Variants in EXOC4 observed in about 807,000 individuals in gnomAD.
EXOC4 encodes the protein SEC8-like 1.
In EXOC4, 71 loss-of-function variants were observed where a neutral mutation model predicts 107.2. The ratio of observed to expected loss-of-function variants is 0.66; its 90% CI spans 0.55 to 0.81. EXOC4 has a LOEUF of 0.81. Among genes scored for constraint, EXOC4 ranks in the 30% least tolerant of loss-of-function variants. The probability of loss-of-function intolerance (pLI) is 0.00; values close to 1 mark genes in which losing one functional copy is unlikely to be tolerated. For missense variants in EXOC4, 1,108 were observed against 1,189.6 expected, an observed-to-expected ratio of 0.93 and a Z score of 1.01; for synonymous variants, 456 against 441.2, an observed-to-expected ratio of 1.03 and a Z score of -0.42.
At chr7:133,775,740 T>C (rs1796332285) in intron 10 of EXOC4, among the ~76,000 whole-genome samples, 1 of 152,194 alleles carries the variant, frequency 6.6e-6, no homozygotes, top group South Asian at 2.1e-4. Context: ...TCATTCACTT[T>C]TCTATTGCAC....
At chr7:133,636,576 G>T (rs1251457878) in intron 10 of EXOC4, among the ~76,000 whole-genome samples, 1 of 152,212 alleles carries the variant, frequency 6.6e-6, no homozygotes, top group Non-Finnish European at 1.5e-5. Context: ...ACAGTTGTTT[G>T]CAGTCTTGTA....
chr7:133,912,398 A>C (rs958405), intron 12 of EXOC4, among the ~76,000 whole-genome samples: 53 of 152,058 alleles, frequency 3.5e-4, no homozygotes, highest in Middle Eastern at 3.4e-3. Context: ...ACTATTTTAC[A>C]TTGGGGTTTT....
chr7:133,339,468 A>G (rs773414529), intron 5 of EXOC4, among the ~76,000 whole-genome samples: 2 of 152,010 alleles, frequency 1.3e-5, no homozygotes, highest in Non-Finnish European at 2.9e-5. Flanking sequence ...TTCTTTTTGT[A>G]TAGTATTGCT....
chr7:133,489,613 T>A (rs1799333765), intron 9 of EXOC4, among the ~76,000 whole-genome samples: 1 of 152,212 alleles, frequency 6.6e-6, no homozygotes, highest in Non-Finnish European at 1.5e-5. Flanking sequence ...GTCAGACACC[T>A]AACATTAATT....
At chr7:133,727,027 A>C (rs1795228555) in intron 10 of EXOC4, among the ~76,000 whole-genome samples, 1 of 152,238 alleles carries the variant, frequency 6.6e-6, no homozygotes, top group African/African-American at 2.4e-5. Context: ...GAATTAGTTG[A>C]GATAGTTCCA....
intron 10 of EXOC4, among the ~76,000 whole-genome samples, chr7:133,764,083 G>A (rs1429628035): frequency 6.6e-6 from 1 of 151,994 alleles, no homozygotes; most frequent in South Asian, 2.1e-4. Context: ...TCCCTTATAG[G>A]TTAGTTGTGA....
At chr7:133,473,725 G>T (rs2150846134) in intron 7 of EXOC4, among the ~76,000 whole-genome samples, 1 of 151,002 alleles carries the variant, frequency 6.6e-6, no homozygotes, top group East Asian at 2.0e-4. Context: ...TTTTAAAACG[G>T]AGCCTCACTC....
intron 17 of EXOC4, among the ~76,000 whole-genome samples, chr7:134,035,046 CTTTT>C (rs146401762): frequency 7.8e-6 from 1 of 128,838 alleles, no homozygotes; most frequent in African/African-American, 2.9e-5. Context: ...CTTTTCTTTA[CTTTT>C]TTTTTTTTTT....
intron 10 of EXOC4, among the ~76,000 whole-genome samples, chr7:133,646,573 T>G (rs1003772167): frequency 6.6e-6 from 1 of 152,212 alleles, no homozygotes; most frequent in East Asian, 1.9e-4. Context: ...AACCCACTTC[T>G]GGGAATTATC....
chr7:133,484,565 C>G (rs966178290), intron 9 of EXOC4, among the ~76,000 whole-genome samples: 2 of 152,040 alleles, frequency 1.3e-5, no homozygotes, highest in Non-Finnish European at 1.5e-5. Context: ...AAAAAACAAT[C>G]TAAAGACTAC....
chr7:133,637,576 A>G lies in EXOC4; in HGVS notation c.1514+7435A>G, dbSNP rs144669106. 4.0e-5 allele frequency among the ~76,000 whole-genome samples: 6 copies of G among 149,198 alleles called. No homozygotes were observed. The East Asian group carries it at 8.2e-4, about 21-fold the overall frequency. ...ATATTATTCATGCATGGGAGGAAAT[A>G]TAGACACCTTGTTGCATTTTTATGA... is the stretch of plus-strand genomic sequence containing the variant. On this transcript the variant is annotated intron_variant, in intron 10 of 17. Transcript: ENST00000253861.
At chr7:133,710,517 G>A (rs1195727952) in intron 10 of EXOC4, among the ~76,000 whole-genome samples, 4 of 151,406 alleles carry the variant, frequency 2.6e-5, no homozygotes, top group African/African-American at 4.9e-5. Flanking sequence ...AAAATTAGCC[G>A]GGCGTAGTGG....
intron 7 of EXOC4, among the ~76,000 whole-genome samples, chr7:133,401,692 A>G (rs996009571): frequency 2.0e-5 from 3 of 151,716 alleles, no homozygotes; most frequent in Admixed American, 1.3e-4. Flanking sequence ...ATCACTCTGA[A>G]TCTTTTCATT....
chr7:133,754,789 G>C (rs1795864504), intron 10 of EXOC4, among the ~76,000 whole-genome samples: 2 of 152,026 alleles, frequency 1.3e-5, no homozygotes, highest in Non-Finnish European at 2.9e-5. Flanking sequence ...AATTTAGAAG[G>C]GCTAAGAAGT....
intron 7 of EXOC4, among the ~76,000 whole-genome samples, chr7:133,410,490 A>T (rs1334898044): frequency 6.6e-6 from 1 of 152,086 alleles, no homozygotes; most frequent in Non-Finnish European, 1.5e-5. Flanking sequence ...TTTACAACAC[A>T]ATCATTTAAT....
intron 10 of EXOC4, among the ~76,000 whole-genome samples, chr7:133,769,048 C>T (rs551348823): frequency 2.0e-5 from 3 of 152,018 alleles, no homozygotes; most frequent in South Asian, 4.1e-4. Flanking sequence ...ATACTTGGGC[C>T]GGTTAACTTC....
In EXOC4 at chr7:133,670,499, C is replaced by T. The variant is rs571806337; in HGVS notation, c.1514+40358C>T. On this transcript the variant is annotated intron_variant, in intron 10 of 17. Transcript: ENST00000253861. ...GCAGCAGTACAGTCTGGCTAGAGGGCGTCTGTTGAGCCTCCAAACATTGAA... is the reference window on the plus strand; with the variant it reads ...GCAGCAGTACAGTCTGGCTAGAGGGTGTCTGTTGAGCCTCCAAACATTGAA... 5.3e-5 allele frequency among the ~76,000 whole-genome samples: 8 copies of T among 152,260 alleles called. No individual in the cohort carries two copies. The South Asian group carries it at 6.2e-4, about 12-fold the overall frequency.
At chr7:133,789,522 A>G (rs75918422) in intron 10 of EXOC4, among the ~76,000 whole-genome samples, 216 of 152,336 alleles carry the variant, frequency 1.4e-3, no homozygotes, top group Non-Finnish European at 2.7e-3. Context: ...TAAAAGCAGT[A>G]TGATGTATTG....
rs111241160 is a variant in EXOC4 at position 134,002,272 on chromosome 7, C to A, written c.2349-2640C>A. Among the ~76,000 whole-genome samples the A allele has an allele frequency of 7.9e-5, 12 of 152,254 alleles. No homozygotes were observed. In the East Asian group the frequency reaches 1.9e-3, roughly 25 times the overall value. ...GAGCAGTAGTCAAGATACTTGGATT[C>A]TCTTGGATGAACTGCTTATAAGAAT... On this transcript the variant is annotated intron_variant, in intron 15 of 17. Transcript: ENST00000253861.
Sources: gnomAD v4.1 joint callset for allele counts (sites outside exome capture counted in the v4.1 genomes callset) on GRCh38, gnomAD v4.1.1 for gene constraint, MANE v1.5 for transcripts, NCBI Gene and HGNC (gene_info 2026-07-23, HGNC 2026-07-21) for gene names.